Variants in PHF8 observed in about 807,000 individuals in gnomAD.
The protein encoded by PHF8 is histone lysine demethylase PHF8.
PHF8 carries 9 observed loss-of-function variants against 74.4 expected under a neutral mutation model. The observed-to-expected ratio is 0.12, with a 90% confidence interval of 0.07 to 0.21. The LOEUF (loss-of-function observed/expected upper bound fraction) is 0.21, where lower values mean the gene tolerates loss of function less well. Among genes scored for constraint, PHF8 ranks in the 10% least tolerant of loss-of-function variants. The pLI is 1.00. For missense variants in PHF8, 478 were observed against 816.6 expected (o/e 0.59, Z 5.05); for synonymous variants, 311 against 316.6 (o/e 0.98, Z 0.19).
chrX:53,951,540 G>A (rs914948259), intron 19 of PHF8, among the ~76,000 whole-genome samples: 1 of 110,044 alleles, frequency 9.1e-6, no homozygotes, highest in Non-Finnish European at 1.9e-5. Context: ...AAGCTCTGCC[G>A]CCAGGGTTAA....
At chrX:53,958,043 ATTTT>A (rs372976681) in intron 19 of PHF8, among the ~76,000 whole-genome samples, 1 of 96,805 alleles carries the variant, frequency 1.0e-5, no homozygotes, top group African/African-American at 4.0e-5. Context: ...ATCAAGAACT[ATTTT>A]TTTTTTTTTT....
chrX:54,014,069 C>A (rs1297618847), intron 7 of PHF8, among the ~76,000 whole-genome samples: 1 of 109,820 alleles, frequency 9.1e-6, no homozygotes, highest in Non-Finnish European at 1.9e-5. Flanking sequence ...CATTCTCCTG[C>A]CTCAGCCTCC....
At chrX:53,971,907 A>G (rs2065297570) in intron 18 of PHF8, among the ~76,000 whole-genome samples, 1 of 111,830 alleles carries the variant, frequency 8.9e-6, no homozygotes, top group African/African-American at 3.2e-5. Flanking sequence ...ACAGGTACAA[A>G]GAAGAGCTGG....
intron 8 of PHF8, among the ~76,000 whole-genome samples, chrX:54,007,036 T>C (rs2065907539): frequency 9.1e-6 from 1 of 109,768 alleles, no homozygotes; most frequent in Admixed American, 9.8e-5. Context: ...TTACTACAAA[T>C]GTACAATAAT....
intron 19 of PHF8, among the ~76,000 whole-genome samples, chrX:53,960,545 C>G (rs1557090459): frequency 9.4e-6 from 1 of 106,924 alleles, no homozygotes; most frequent in Admixed American, 1.0e-4. Context: ...GTCAGGAGTT[C>G]AAGACCAGCC....
intron 13 of PHF8, 58 bp downstream of exon 13, chrX:53,993,543 C>T: frequency 1.9e-6 from 2 of 1,054,452 alleles, no homozygotes; most frequent in South Asian, 3.8e-5. Context: ...TTTTTGAAAC[C>T]CTGCTCTTCC....
chrX:54,040,960 G>A (rs781879670), intron 2 of PHF8, among the ~76,000 whole-genome samples: 1 of 111,976 alleles, frequency 8.9e-6, no homozygotes, highest in East Asian at 2.8e-4. Context: ...TCTGTGCCGG[G>A]CACACAATAA....
chrX:53,991,996 C>T (rs1485207283), intron 14 of PHF8, among the ~76,000 whole-genome samples: 1 of 112,023 alleles, frequency 8.9e-6, no homozygotes, highest in Non-Finnish European at 1.9e-5. Context: ...CTCTTTCACA[C>T]TGTTTTATTT....
chrX:54,017,353 T>C (rs2066088600), intron 5 of PHF8, among the ~76,000 whole-genome samples: 2 of 111,818 alleles, frequency 1.8e-5, no homozygotes, highest in Admixed American at 1.9e-4. Context: ...AGGTTGAGGT[T>C]TGAGGATCCC....
intron 2 of PHF8, among the ~76,000 whole-genome samples, chrX:54,036,422 T>C (rs1557114178): frequency 1.8e-5 from 2 of 108,160 alleles, no homozygotes; most frequent in African/African-American, 6.7e-5. Context: ...ACTTCTATAC[T>C]TCATGGGTCA....
intron 18 of PHF8, among the ~76,000 whole-genome samples, chrX:53,969,999 G>A (rs2065268476): frequency 8.9e-6 from 1 of 112,347 alleles, no homozygotes; most frequent in East Asian, 2.8e-4. Context: ...AGACTTAAAT[G>A]TAAGACCTGA....
At chrX:53,971,647 G>C (rs1437333712) in intron 18 of PHF8, among the ~76,000 whole-genome samples, 8 of 111,592 alleles carry the variant, frequency 7.2e-5, no homozygotes, top group Non-Finnish European at 1.3e-4. Flanking sequence ...TGATAAGGGA[G>C]ATATCACCAC....
chrX:53,962,170 T>G (rs2065116305), intron 19 of PHF8, among the ~76,000 whole-genome samples: 1 of 111,567 alleles, frequency 9.0e-6, no homozygotes, highest in Non-Finnish European at 1.9e-5. Context: ...AGGAGAACTT[T>G]TGAGACCATT....
At chrX:53,964,263 T>C (rs2065145893) in intron 18 of PHF8, among the ~76,000 whole-genome samples, 1 of 110,818 alleles carries the variant, frequency 9.0e-6, no homozygotes. Context: ...GGGATAGCTT[T>C]AGGAGAAATA....
At chrX:53,995,304 TTACTGTGCACC>T (rs1285171879) in intron 12 of PHF8, 2 of 335,423 alleles carry the variant, frequency 6.0e-6, no homozygotes, top group Non-Finnish European at 5.9e-6. Flanking sequence ...CCGTCAGAAT[TTACTGTGCACC>T]TACTGTGTGC....
chrX:54,017,589 T>G, intron 5 of PHF8, 72 bp downstream of exon 5: 1 of 942,661 alleles, frequency 1.1e-6, no homozygotes, highest in Non-Finnish European at 1.5e-6. Flanking sequence ...CAAAAACAGA[T>G]TGGAGGGGAA....
intron 20 of PHF8, chrX:53,942,763 G>A (rs1211865441): frequency 1.3e-6 from 1 of 750,539 alleles, no homozygotes; most frequent in African/African-American, 2.3e-5. Flanking sequence ...GATCTGATAG[G>A]GTATGATTCT....
chrX:53,945,405 G>A (rs1172608432), intron 19 of PHF8, among the ~76,000 whole-genome samples: 2 of 108,161 alleles, frequency 1.8e-5, no homozygotes, highest in Non-Finnish European at 3.8e-5. Flanking sequence ...AGCTGCTCAG[G>A]AGGCTGAGGC....
intron 18 of PHF8, among the ~76,000 whole-genome samples, chrX:53,979,243 G>A (rs999973993): frequency 2.7e-5 from 3 of 110,859 alleles, no homozygotes; most frequent in South Asian, 7.6e-4. Context: ...TTAGCCAGGC[G>A]TGGTGGCGTA....
Sources: gnomAD v4.1 joint callset for allele counts (sites outside exome capture counted in the v4.1 genomes callset) on GRCh38, gnomAD v4.1.1 for gene constraint, MANE v1.5 for transcripts, NCBI Gene and HGNC (gene_info 2026-07-23, HGNC 2026-07-21) for gene names.